The following HPGDS variants were observed in gnomAD, a reference collection of about 807,000 sequenced individuals.
HPGDS encodes GST class-sigma.
A neutral mutation model predicts 23.1 loss-of-function variants in HPGDS; 26 were observed. That is an observed-to-expected ratio of 1.13 (90% confidence interval 0.83 to 1.56). HPGDS has a LOEUF of 1.56. Ranked by LOEUF, HPGDS falls within the 40% of genes most tolerant of loss-of-function variation. The pLI, the probability that HPGDS is intolerant of heterozygous loss-of-function variation, is 0.00. For missense variants in HPGDS, 268 were observed against 236.4 expected (o/e 1.13, Z -0.88); for synonymous variants, 95 against 77.9 (o/e 1.22, Z -1.16).
chr4:94,327,068 G>C (rs1290643192), intron 2 of HPGDS, among the ~76,000 whole-genome samples: 1 of 152,062 alleles, frequency 6.6e-6, no homozygotes, highest in African/African-American at 2.4e-5. Context: ...ATGCCAAGTG[G>C]ACTCATCCTC....
chr4:94,333,031 A>T (rs191658604), intron 2 of HPGDS, among the ~76,000 whole-genome samples: 110 of 152,350 alleles, frequency 7.2e-4, no homozygotes, highest in Middle Eastern at 3.4e-3. Context: ...TGTGCAATTT[A>T]CCAAGTTTGT....
rs1194698772 is a variant in HPGDS, at chr4:94,321,650, AAGG to A, written c.134-3688_134-3686del. On this transcript the variant is annotated intron_variant, in intron 2 of 5. Transcript: ENST00000295256. ...CTTTGTTGAAGTTGCTTATCAGCTT[AAGG>A]AGATTTTGGGCTGAGATGATGGGGT... Among the ~76,000 whole-genome samples the A allele has an allele frequency of 6.6e-5, 10 of 152,316 alleles. No homozygotes were observed. The East Asian group carries it at 1.9e-3, about 29-fold the overall frequency.
intron 3 of HPGDS, among the ~76,000 whole-genome samples, chr4:94,316,006 A>G (rs1451742615): frequency 6.6e-6 from 1 of 152,184 alleles, no homozygotes; most frequent in East Asian, 1.9e-4. Context: ...AAATGCAGTC[A>G]TCACACCTTT....
chr4:94,334,548 G>T lies in HPGDS; in HGVS notation c.82C>A (p.Gln28Lys), dbSNP rs762796539. 18 of 1,612,526 alleles carry T rather than the reference G, an allele frequency of 1.1e-5. No homozygotes were observed. The highest frequency in any genetic ancestry group is 1.4e-5 in the Non-Finnish European group (17 of 1,179,164). Residue 28 changes from glutamine to lysine, a missense_variant, in exon 2 of 6, where the codon CAG becomes AAG. Gln to Lys is a moderately conservative substitution (Grantham distance 53, BLOSUM62 1). Transcript: ENST00000295256. ...IRYIFAYLDIQYEDHRIEQAD... is the reference protein window; with the variant it reads ...IRYIFAYLDIKYEDHRIEQAD... ...TGTTCTATTCTGTGGTCTTCATACT[G>T]TATGTCCAAATAAGCAAATATGTAA...
At chr4:94,324,018 A>G (rs1756576454) in intron 2 of HPGDS, among the ~76,000 whole-genome samples, 1 of 152,152 alleles carries the variant, frequency 6.6e-6, no homozygotes, top group African/African-American at 2.4e-5. Context: ...TTCACTTATG[A>G]AGCTTAGTTT....
chr4:94,315,421 C>A, intron 3 of HPGDS, among the ~76,000 whole-genome samples: 1 of 152,220 alleles, frequency 6.6e-6, no homozygotes, highest in African/African-American at 2.4e-5. Flanking sequence ...TTTATTTTTG[C>A]AGACAGTTTT....
chr4:94,329,232 C>G (rs1057355085), intron 2 of HPGDS, among the ~76,000 whole-genome samples: 5 of 152,008 alleles, frequency 3.3e-5, no homozygotes, highest in Admixed American at 3.3e-4. Flanking sequence ...TAGGTGATAA[C>G]TATCTCATTT....
At chr4:94,340,263 TTCTTTCTTTCTTTC>T in intron 1 of HPGDS, among the ~76,000 whole-genome samples, 1 of 27,310 alleles carries the variant, frequency 3.7e-5, no homozygotes, top group Non-Finnish European at 7.2e-5. Flanking sequence ...GTCTAAACCT[TTCTTTCTTTCTTTC>T]TTTCTTTCTT....
At chr4:94,338,323 G>A (rs1222579625) in intron 1 of HPGDS, among the ~76,000 whole-genome samples, 10 of 152,048 alleles carry the variant, frequency 6.6e-5, no homozygotes, top group Non-Finnish European at 1.5e-4. Context: ...TACTCAGGTG[G>A]CTAAGGCACG....
At chr4:94,332,693 AG>A (rs1348398882) in intron 2 of HPGDS, among the ~76,000 whole-genome samples, 1 of 152,260 alleles carries the variant, frequency 6.6e-6, no homozygotes, top group Non-Finnish European at 1.5e-5. Context: ...AAAGGGGTCA[AG>A]AAAAATTCTC....
At chr4:94,313,522 G>C (rs999374103) in intron 3 of HPGDS, among the ~76,000 whole-genome samples, 1 of 152,186 alleles carries the variant, frequency 6.6e-6, no homozygotes, top group Non-Finnish European at 1.5e-5. Context: ...TAGTCTGATG[G>C]GCTTTCCTTT....
intron 3 of HPGDS, among the ~76,000 whole-genome samples, chr4:94,314,136 A>G (rs1253515640): frequency 6.6e-6 from 1 of 152,074 alleles, no homozygotes; most frequent in African/African-American, 2.4e-5. Context: ...TCTTCTCTCA[A>G]CTCATCAAAG....
intron 2 of HPGDS, among the ~76,000 whole-genome samples, chr4:94,323,769 G>A (rs1392322923): frequency 6.6e-6 from 1 of 152,048 alleles, no homozygotes; most frequent in Non-Finnish European, 1.5e-5. Flanking sequence ...TTACATTTAA[G>A]GTTAATATTG....
At chr4:94,322,675 A>G (rs1373121858) in intron 2 of HPGDS, among the ~76,000 whole-genome samples, 2 of 152,008 alleles carry the variant, frequency 1.3e-5, no homozygotes, top group Non-Finnish European at 1.5e-5. Context: ...TAGTCTTGCT[A>G]GCAGTCTATC....
At chr4:94,316,390 TC>T (rs1756399293) in intron 3 of HPGDS, among the ~76,000 whole-genome samples, 2 of 152,290 alleles carry the variant, frequency 1.3e-5, no homozygotes, top group South Asian at 2.1e-4. Context: ...CACAAATTTT[TC>T]GTATTTTTCT....
At chr4:94,323,357 T>A (rs774104795) in intron 2 of HPGDS, among the ~76,000 whole-genome samples, 1 of 152,190 alleles carries the variant, frequency 6.6e-6, no homozygotes, top group Non-Finnish European at 1.5e-5. Flanking sequence ...ATATTGACAT[T>A]GAGGTGTTAA....
chr4:94,302,788 A>G (rs1459147509), intron 4 of HPGDS, among the ~76,000 whole-genome samples: 1 of 152,154 alleles, frequency 6.6e-6, no homozygotes, highest in East Asian at 1.9e-4. Flanking sequence ...TCCATCTTGA[A>G]TATCATCTAC....
intron 3 of HPGDS, among the ~76,000 whole-genome samples, chr4:94,316,408 C>G (rs1181376778): frequency 6.6e-6 from 1 of 152,170 alleles, no homozygotes. Flanking sequence ...TTCTTGGTCT[C>G]TCTTCTTTGC....
chr4:94,312,266 G>A (rs986581252), intron 3 of HPGDS, among the ~76,000 whole-genome samples: 2 of 152,036 alleles, frequency 1.3e-5, no homozygotes, highest in African/African-American at 2.4e-5. Flanking sequence ...GCTTTCTCTT[G>A]TGGGCATTTA....
Sources: allele counts gnomAD v4.1 joint callset (sites outside exome capture counted in the v4.1 genomes callset), GRCh38; gene constraint gnomAD v4.1.1; transcripts MANE v1.5; gene names NCBI Gene and HGNC (gene_info 2026-07-23, HGNC 2026-07-21).